The following CREM variants were observed in gnomAD, a reference collection of about 807,000 sequenced individuals.
CREM encodes cAMP-responsive element modulator.
In CREM, 13 loss-of-function variants were observed where a neutral mutation model predicts 37.3. That is an observed-to-expected ratio of 0.35 (90% CI 0.23 to 0.55). The LOEUF (loss-of-function observed/expected upper bound fraction) is 0.55. CREM is among the 20% of genes least tolerant of loss of function. The pLI, the probability that CREM is intolerant of heterozygous loss-of-function variation, is 0.88. For synonymous variants in CREM, 124 were observed against 120.2 expected, an observed-to-expected ratio of 1.03 and a Z score of -0.21; for missense variants, 296 against 362.3, an observed-to-expected ratio of 0.82 and a Z score of 1.49.
intron 5 of CREM, among the ~76,000 whole-genome samples, chr10:35,183,964 C>T (rs906452562): frequency 3.3e-5 from 5 of 152,176 alleles, no homozygotes; most frequent in African/African-American, 4.8e-5. Flanking sequence ...ATCCCAGCTA[C>T]TTTGGAGGCT....
intron 5 of CREM, among the ~76,000 whole-genome samples, chr10:35,183,001 A>G (rs2094416496): frequency 6.6e-6 from 1 of 152,234 alleles, no homozygotes; most frequent in African/African-American, 2.4e-5. Flanking sequence ...CGAGGAAATT[A>G]AAATGTTTGA....
intron 6 of CREM, among the ~76,000 whole-genome samples, chr10:35,203,490 G>A (rs532901061): frequency 9.9e-4 from 150 of 152,090 alleles, no homozygotes; most frequent in African/African-American, 3.4e-3. Flanking sequence ...TTAGGAGTTC[G>A]AGACCAGCCT....
At chr10:35,203,190 C>T (rs187837016) in intron 6 of CREM, among the ~76,000 whole-genome samples, 64 of 152,068 alleles carry the variant, frequency 4.2e-4, no homozygotes, top group African/African-American at 1.4e-3. Flanking sequence ...GAACCACAGA[C>T]GCACGCCACC....
intron 3 of CREM, among the ~76,000 whole-genome samples, chr10:35,156,431 G>A (rs1424519604): frequency 4.6e-5 from 7 of 151,910 alleles, no homozygotes; most frequent in African/African-American, 1.5e-4. Flanking sequence ...TAAGTTTTTT[G>A]TAGAGATGGG....
intron 3 of CREM, among the ~76,000 whole-genome samples, chr10:35,153,766 A>G (rs2092731964): frequency 6.6e-6 from 1 of 152,234 alleles, no homozygotes; most frequent in African/African-American, 2.4e-5. Flanking sequence ...TGAAAGGAGC[A>G]GTATGCTAGG....
intron 3 of CREM, among the ~76,000 whole-genome samples, chr10:35,167,054 T>C (rs1564857593): frequency 6.6e-6 from 1 of 152,024 alleles, no homozygotes; most frequent in African/African-American, 2.4e-5. Flanking sequence ...GGCAGGAGAA[T>C]TGCTTGAACC....
At position 35,188,286 on chromosome 10, in the gene CREM, T is replaced by C; in HGVS notation, c.496T>C (p.Ser166Pro). ...QGLQALTMTN[S>P]GAPPPGATIV... ...ACTGCAGGCATTAACAATGACAAAT[T>C]CAGGAGCTCCTCCACCAGGTGCTAC... Residue 166 changes from serine to proline, a missense_variant, in exon 6 of 8, where the codon TCA becomes CCA. Physicochemically the swap from Ser to Pro is moderately conservative, Grantham distance 74 (BLOSUM62 -1). Around this residue, in one of 2 missense-constraint regions of CREM, gnomAD observed 257 missense variants for 280.2 expected, o/e 0.92. Coordinates refer to ENST00000685392, the MANE Select transcript of CREM (RefSeq NM_183011.2). 1.2e-6 allele frequency: 2 copies of C among 1,614,150 alleles called. No homozygotes were observed. Among genetic ancestry groups the C allele is most frequent in the Non-Finnish European group, 1.7e-6 (2 of 1,180,020 alleles).
At chr10:35,136,975 C>G (rs1345189324) in intron 1 of CREM, among the ~76,000 whole-genome samples, 1 of 152,072 alleles carries the variant, frequency 6.6e-6, no homozygotes, top group Non-Finnish European at 1.5e-5. Flanking sequence ...CCTGTGCCAC[C>G]ATACCTGGTC....
chr10:35,190,104 T>A (rs1047052310), intron 6 of CREM, among the ~76,000 whole-genome samples: 5 of 152,232 alleles, frequency 3.3e-5, no homozygotes, highest in African/African-American at 1.2e-4. Context: ...TTATTTCTTC[T>A]CATTTTATCT....
intron 3 of CREM, chr10:35,176,020 G>GT: frequency 2.0e-6 from 3 of 1,534,390 alleles, no homozygotes; most frequent in Non-Finnish European, 2.6e-6. Flanking sequence ...TTCCTGAATG[G>GT]TTTTGTCTTT....
At chr10:35,160,849 G>A (rs2093248690) in intron 3 of CREM, among the ~76,000 whole-genome samples, 1 of 151,844 alleles carries the variant, frequency 6.6e-6, no homozygotes, top group African/African-American at 2.4e-5. Flanking sequence ...CACACATGTT[G>A]GCCTAGGCCT....
intron 1 of CREM, among the ~76,000 whole-genome samples, chr10:35,137,363 A>T (rs1366710303): frequency 6.6e-6 from 1 of 152,210 alleles, no homozygotes; most frequent in African/African-American, 2.4e-5. Context: ...GGAGTGAAAT[A>T]TAAGGAAATA....
At chr10:35,199,466 A>T (rs1427428193) in intron 6 of CREM, among the ~76,000 whole-genome samples, 1 of 152,236 alleles carries the variant, frequency 6.6e-6, no homozygotes, top group Non-Finnish European at 1.5e-5. Flanking sequence ...AAAATAAAAA[A>T]ATCACTTAAT....
At chr10:35,148,961 A>G (rs1444412000) in intron 3 of CREM, among the ~76,000 whole-genome samples, 1 of 152,218 alleles carries the variant, frequency 6.6e-6, no homozygotes, top group East Asian at 1.9e-4. Flanking sequence ...TATTTCTGAG[A>G]TATCTATTAA....
At chr10:35,181,945 G>A (rs1439655891) in intron 5 of CREM, among the ~76,000 whole-genome samples, 1 of 152,076 alleles carries the variant, frequency 6.6e-6, no homozygotes, top group Non-Finnish European at 1.5e-5. Flanking sequence ...TCTTACTTTG[G>A]TTTCTTAATT....
chr10:35,177,757 A>G (rs1311865922), intron 3 of CREM, among the ~76,000 whole-genome samples: 2 of 152,182 alleles, frequency 1.3e-5, no homozygotes, highest in Admixed American at 1.3e-4. Flanking sequence ...ATGAACTTTA[A>G]TTTTCACCTT....
At chr10:35,190,628 GTAA>G (rs527368942) in intron 6 of CREM, among the ~76,000 whole-genome samples, 2 of 151,862 alleles carry the variant, frequency 1.3e-5, no homozygotes, top group Non-Finnish European at 1.5e-5. Context: ...AATAGTAGTA[GTAA>G]TAATAATAAT....
At chr10:35,167,711 T>G in intron 3 of CREM, 1 of 1,613,214 alleles carries the variant, frequency 6.2e-7, no homozygotes, top group South Asian at 1.1e-5. Context: ...CTGTTTATAG[T>G]GGGATTTTTG....
intron 6 of CREM, among the ~76,000 whole-genome samples, chr10:35,204,254 T>A (rs998467931): frequency 6.6e-6 from 1 of 152,206 alleles, no homozygotes; most frequent in Non-Finnish European, 1.5e-5. Flanking sequence ...TTTTGTATAG[T>A]CACAAAAACA....
Sources: gnomAD v4.1 joint callset for allele counts (sites outside exome capture counted in the v4.1 genomes callset) on GRCh38, gnomAD v4.1.1 for gene constraint, gnomAD v4.1.1 regional missense constraint, MANE v1.5 for transcripts, NCBI Gene and HGNC (gene_info 2026-07-23, HGNC 2026-07-21) for gene names.